Variants in SUPT3H observed in about 807,000 individuals in gnomAD.
SUPT3H encodes the protein transcription initiation protein SPT3 homolog.
Under a neutral mutation model 44.3 loss-of-function variants are expected in SUPT3H, and 44 were observed. The ratio of observed to expected loss-of-function variants is 0.99; its 90% CI spans 0.78 to 1.28. The LOEUF (loss-of-function observed/expected upper bound fraction) is 1.28, where lower values mean the gene tolerates loss of function less well. SUPT3H is among the 50% of genes most tolerant of loss of function. SUPT3H has a pLI of 0.00. For synonymous variants in SUPT3H, 124 were observed against 125.6 expected (o/e 0.99, Z 0.09); for missense variants, 380 against 387.1 (o/e 0.98, Z 0.15).
chr6:45,064,671 T>TA (rs1792900391), intron 3 of SUPT3H, among the ~76,000 whole-genome samples: 1 of 128,964 alleles, frequency 7.8e-6, no homozygotes, highest in African/African-American at 3.0e-5. Context: ...TAGTCTCTGA[T>TA]AAAACAGACT....
rs540680568 is a variant in SUPT3H, at chr6:45,278,198, C to T, written c.101+87003G>A. Among the ~76,000 whole-genome samples the T allele has an allele frequency of 7.2e-5, 11 of 152,074 alleles. No homozygotes were observed. In the East Asian group the frequency reaches 7.7e-4, roughly 11 times the overall value. ...TAGAAGAAATACCTAATGTAGATGACGAGTTGATGGGTGCAGCAAACCACC... is the reference window on the plus strand; with the variant it reads ...TAGAAGAAATACCTAATGTAGATGATGAGTTGATGGGTGCAGCAAACCACC... On this transcript the variant is annotated intron_variant, in intron 2 of 10. Coordinates refer to ENST00000371459, the MANE Select transcript of SUPT3H (RefSeq NM_003599.4).
chr6:45,007,182 T>G (rs920459713), intron 5 of SUPT3H, among the ~76,000 whole-genome samples: 5 of 152,162 alleles, frequency 3.3e-5, no homozygotes, highest in Non-Finnish European at 5.9e-5. Context: ...ATTCATTTAA[T>G]AATTCCTTTT....
At chr6:44,966,111 T>C (rs2153479953) in intron 6 of SUPT3H, among the ~76,000 whole-genome samples, 2 of 152,256 alleles carry the variant, frequency 1.3e-5, no homozygotes, top group Middle Eastern at 6.8e-3. Flanking sequence ...ATTAAATAAG[T>C]GTGGCTCTTA....
intron 10 of SUPT3H, among the ~76,000 whole-genome samples, chr6:44,830,532 A>G (rs1319948170): frequency 6.6e-6 from 1 of 152,210 alleles, no homozygotes; most frequent in Non-Finnish European, 1.5e-5. Context: ...CGTTTCAGTA[A>G]AGAAAGAAAA....
At chr6:44,977,702 T>C (rs1273270069) in intron 6 of SUPT3H, among the ~76,000 whole-genome samples, 7 of 152,162 alleles carry the variant, frequency 4.6e-5, no homozygotes, top group Non-Finnish European at 1.0e-4. Context: ...CTTTCTACTA[T>C]ACTACTGACT....
At chr6:44,888,485 C>T (rs1467080220) in intron 10 of SUPT3H, among the ~76,000 whole-genome samples, 3 of 152,102 alleles carry the variant, frequency 2.0e-5, no homozygotes, top group Non-Finnish European at 2.9e-5. Context: ...AAAAGTAATC[C>T]AGCATATAAA....
intron 2 of SUPT3H, among the ~76,000 whole-genome samples, chr6:45,113,827 CAAA>C (rs374606230): frequency 3.5e-5 from 4 of 112,784 alleles, no homozygotes; most frequent in Admixed American, 9.9e-5. Context: ...AAGACTCCAT[CAAA>C]AAAAAAAAAA....
chr6:44,949,731 T>A (rs571595495), intron 9 of SUPT3H, among the ~76,000 whole-genome samples: 3 of 152,294 alleles, frequency 2.0e-5, no homozygotes, highest in Non-Finnish European at 2.9e-5. Context: ...AATACACACT[T>A]AAACTGTTAT....
intron 2 of SUPT3H, among the ~76,000 whole-genome samples, chr6:45,154,312 A>T (rs1484920060): frequency 6.6e-6 from 1 of 152,110 alleles, no homozygotes; most frequent in Non-Finnish European, 1.5e-5. Context: ...TGTCTGTTCA[A>T]TGAAGAAATG....
At chr6:44,919,485 A>T (rs1217404153) in intron 10 of SUPT3H, among the ~76,000 whole-genome samples, 2 of 150,662 alleles carry the variant, frequency 1.3e-5, no homozygotes, top group African/African-American at 4.9e-5. Context: ...TAAAGTTTAG[A>T]TGACTTCTGC....
At chr6:45,347,063 A>C (rs1791032625) in intron 2 of SUPT3H, among the ~76,000 whole-genome samples, 1 of 152,218 alleles carries the variant, frequency 6.6e-6, no homozygotes, top group Non-Finnish European at 1.5e-5. Flanking sequence ...ATAATTAAAA[A>C]TTGAACACAT....
In SUPT3H at chr6:45,161,576, C is replaced by T. The variant is rs1808977320; in HGVS notation, c.102-55570G>A. Among the ~76,000 whole-genome samples the T allele has an allele frequency of 2.0e-5, 3 of 152,114 alleles. No individual in the cohort carries two copies. In the South Asian group the frequency reaches 6.2e-4, roughly 31 times the overall value. ...AAAAGCACTTTTGGAAGTACCATTA[C>T]TGCTAAAGGCCACTGTACATGAAGT... On this transcript the variant is annotated intron_variant, in intron 2 of 10. Coordinates refer to ENST00000371459, the MANE Select transcript of SUPT3H (RefSeq NM_003599.4).
chr6:44,937,904 T>A, intron 9 of SUPT3H, among the ~76,000 whole-genome samples: 1 of 82,680 alleles, frequency 1.2e-5, no homozygotes, highest in Non-Finnish European at 2.8e-5. Context: ...CACTATCTTT[T>A]TTTTTTTTTT....
intron 2 of SUPT3H, among the ~76,000 whole-genome samples, chr6:45,339,791 T>C (rs534174544): frequency 3.0e-4 from 46 of 152,336 alleles, no homozygotes; most frequent in Admixed American, 6.5e-4. Context: ...CAACATATTT[T>C]GAAAAATCAA....
intron 10 of SUPT3H, among the ~76,000 whole-genome samples, chr6:44,921,121 C>A (rs1367396858): frequency 2.6e-5 from 4 of 152,182 alleles, no homozygotes; most frequent in Admixed American, 2.6e-4. Context: ...ACCATACCTC[C>A]CTCCCAATAT....
chr6:45,088,940 T>C (rs969326025), intron 3 of SUPT3H, among the ~76,000 whole-genome samples: 1 of 152,046 alleles, frequency 6.6e-6, no homozygotes, highest in Non-Finnish European at 1.5e-5. Context: ...CAAAATAATA[T>C]ATAACAATTA....
chr6:45,143,087 GAT>G lies in SUPT3H; in HGVS notation c.102-37083_102-37082del, dbSNP rs577710501. Among the ~76,000 whole-genome samples the G allele has an allele frequency of 6.1e-3, 925 of 152,062 alleles. 5 individuals carry two copies. The highest frequency in any genetic ancestry group is 0.011 in the Non-Finnish European group (716 of 67,994). ...AATTACTACTAGACCTAAGAAATGA[GAT>G]AGACAGCAACACAATAATAGTGGGG... is the stretch of plus-strand genomic sequence containing the variant. On this transcript the variant is annotated intron_variant, in intron 2 of 10. Coordinates refer to ENST00000371459, the MANE Select transcript of SUPT3H (RefSeq NM_003599.4).
intron 2 of SUPT3H, among the ~76,000 whole-genome samples, chr6:45,226,224 AAAAGT>A (rs1766910289): frequency 6.6e-6 from 1 of 152,178 alleles, no homozygotes; most frequent in Non-Finnish European, 1.5e-5. Flanking sequence ...TTTATTTCAG[AAAAGT>A]ATTCCTATTT....
chr6:44,838,143 A>G (rs1247141616), intron 10 of SUPT3H, among the ~76,000 whole-genome samples: 1 of 152,258 alleles, frequency 6.6e-6, no homozygotes, highest in Non-Finnish European at 1.5e-5. Flanking sequence ...TAATAATATC[A>G]ATTACATTCG....
Sources: allele counts gnomAD v4.1 joint callset (sites outside exome capture counted in the v4.1 genomes callset), GRCh38; gene constraint gnomAD v4.1.1; transcripts MANE v1.5; gene names NCBI Gene and HGNC (gene_info 2026-07-23, HGNC 2026-07-21).